The following CANX variants were observed in gnomAD, a reference collection of about 807,000 sequenced individuals.
CANX encodes the protein calnexin.
Under a neutral mutation model 75.7 loss-of-function variants are expected in CANX, and 14 were observed. The observed-to-expected ratio is 0.19, with a 90% CI of 0.12 to 0.29. The LOEUF is 0.29. Among genes scored for constraint, CANX ranks in the 10% least tolerant of loss-of-function variants. CANX has a pLI of 1.00. For synonymous variants in CANX, 227 were observed against 236.9 expected (o/e 0.96, Z 0.38); for missense variants, 567 against 713.2 (o/e 0.79, Z 2.34).
At chr5:179,683,669 G>A (rs754364291) in intron 1 of CANX, among the ~76,000 whole-genome samples, 23 of 151,904 alleles carry the variant, frequency 1.5e-4, no homozygotes, top group Non-Finnish European at 3.4e-4. Flanking sequence ...AAGTAGCTGG[G>A]ATTACAGGTG....
chr5:179,708,486 T>A, intron 5 of CANX, 106 bp downstream of exon 5: 1 of 1,020,460 alleles, frequency 9.8e-7, no homozygotes, highest in Non-Finnish European at 1.4e-6. Flanking sequence ...ATATAAGTGG[T>A]GGTAGGGATT....
At chr5:179,679,366 C>T (rs1000647566) in intron 1 of CANX, 54 of 1,027,796 alleles carry the variant, frequency 5.3e-5, no homozygotes, top group Non-Finnish European at 7.0e-5. Context: ...ACGGCTGCGG[C>T]TGTGTCTCAC....
At chr5:179,711,853 G>A (rs1054517572) in intron 7 of CANX, among the ~76,000 whole-genome samples, 8 of 148,624 alleles carry the variant, frequency 5.4e-5, no homozygotes, top group African/African-American at 1.7e-4. Flanking sequence ...ATCCCAGCAC[G>A]ATGGGAGGCT....
chr5:179,701,537 TC>T (rs1163224202), intron 1 of CANX, among the ~76,000 whole-genome samples: 1 of 150,914 alleles, frequency 6.6e-6, no homozygotes, highest in East Asian at 2.0e-4. Context: ...TCCATTGCAC[TC>T]CAGCCTGGGT....
At chr5:179,697,794 G>A (rs1186598040), upstream of CANX, among the ~76,000 whole-genome samples, 1 of 152,112 alleles carries the variant, frequency 6.6e-6, no homozygotes, top group African/African-American at 2.4e-5. Flanking sequence ...GGGAGGCTGA[G>A]GGAGAATCGC....
In CANX at chr5:179,730,831, T is replaced by A. The variant is rs1203652021; in HGVS notation, c.*2187T>A. 6.6e-6 allele frequency: 1 copy of A among 152,252 alleles called. No homozygotes were observed. Among genetic ancestry groups the A allele is most frequent in the African/African-American group, 2.4e-5 (1 of 41,478 alleles). The allele number at this position is 152,252 out of a possible 1,614,324, so 9.4% of individuals were successfully genotyped here. A position where few individuals can be genotyped will look rare whatever the true frequency, so the allele number is the denominator to read the frequency against. On this transcript the variant is annotated 3_prime_UTR_variant, in exon 15 of 15. Transcript: ENST00000247461. ...TGTCAAATGCCCACTCTCCATCAGA[T>A]GTGTTCCTCCATTTTCTTATCCACA...
intron 9 of CANX, among the ~76,000 whole-genome samples, 165 bp downstream of exon 9, chr5:179,719,946 C>A (rs915043843): frequency 6.6e-6 from 1 of 151,938 alleles, no homozygotes; most frequent in Non-Finnish European, 1.5e-5. Context: ...ATCAGCCTTG[C>A]GAGTAGCTGG....
chr5:179,721,912 TATACTA>T (rs1262995159), intron 10 of CANX, among the ~76,000 whole-genome samples: 2 of 152,176 alleles, frequency 1.3e-5, no homozygotes, highest in African/African-American at 2.4e-5. Flanking sequence ...TATATATACA[TATACTA>T]ATATATGTTT....
At chr5:179,701,861 T>TACAGGTG (rs1436069474) in intron 1 of CANX, among the ~76,000 whole-genome samples, 2 of 141,754 alleles carry the variant, frequency 1.4e-5, no homozygotes, top group Non-Finnish European at 3.0e-5. Context: ...TGCCTCAGCC[T>TACAGGTG]CCCAAGTAGC....
intron 1 of CANX, among the ~76,000 whole-genome samples, chr5:179,691,067 C>T (rs1776291841): frequency 6.6e-6 from 1 of 151,576 alleles, no homozygotes; most frequent in Non-Finnish European, 1.5e-5. Flanking sequence ...ACTCTGTTGC[C>T]CAGGCTGGAG....
At chr5:179,684,448 T>A (rs1481757049) in intron 1 of CANX, among the ~76,000 whole-genome samples, 1 of 149,992 alleles carries the variant, frequency 6.7e-6, no homozygotes, top group Non-Finnish European at 1.5e-5. Flanking sequence ...CACACCATTC[T>A]CCTTCCTTAG....
intron 11 of CANX, 140 bp downstream of exon 11, chr5:179,723,159 A>C: frequency 1.4e-6 from 1 of 700,598 alleles, no homozygotes; most frequent in Non-Finnish European, 2.4e-6. Context: ...AAGACACAAT[A>C]TTGGGTTTTG....
At chr5:179,716,362 G>A (rs577653744) in intron 8 of CANX, 68 bp downstream of exon 8, 7 of 1,170,696 alleles carry the variant, frequency 6.0e-6, no homozygotes, top group African/African-American at 4.6e-5. Context: ...CTTGAACAAC[G>A]AAATGTTGGT....
At chr5:179,679,376 C>G in intron 1 of CANX, 4 of 945,924 alleles carry the variant, frequency 4.2e-6, no homozygotes, top group Non-Finnish European at 6.1e-6. Flanking sequence ...CTGTGTCTCA[C>G]CAGCTGCTGG....
rs552762374 is a variant in CANX at position 179,680,902 on chromosome 5, T to C, written c.-4+2125T>C. On this transcript the variant is annotated intron_variant, in intron 1 of 14. Coordinates refer to the CANX transcript ENST00000681674. The stretch of plus-strand genomic sequence containing the variant: ...CCCAAGATCTGGTTCAGGGAGATGG[T>C]CTCTGGAAGCCCACATCCAGGCCCA... 6.5e-6 allele frequency: 10 copies of C among 1,536,846 alleles called. No individual in the cohort carries two copies. The African/African-American group carries it at 1.2e-4, about 19-fold the overall frequency.
Position 179,723,730 on chromosome 5 carries a change from C to G in CANX, c.1469C>G (p.Thr490Ser). 1 of 1,613,624 alleles carries G rather than the reference C, an allele frequency of 6.2e-7. No homozygotes were observed. Among genetic ancestry groups the G allele is most frequent in the South Asian group, 1.1e-5 (1 of 91,068 alleles). Reference protein sequence around the residue: ...RPWLWVVYILTVALPVFLVIL... With the variant: ...RPWLWVVYILSVALPVFLVIL... ...TGGCTGTGGGTAGTCTATATTCTAA[C>G]TGTAGCCCTTCCTGTGTTCCTGGTT... The change falls in exon 12 of 15, where the codon ACT becomes AGT. Residue 490 changes from threonine to serine, a missense_variant. Transcript: ENST00000247461.
chr5:179,678,775 C>G lies in CANX; in HGVS notation c.-6C>G, dbSNP rs112590870. 1,269 of 1,537,078 alleles carry G rather than the reference C, an allele frequency of 8.3e-4. 12 individuals carry two copies. In the African/African-American group the frequency reaches 0.016, roughly 19 times the overall value. On this transcript the variant is annotated splice_region_variant and 5_prime_UTR_variant, in exon 1 of 15. Coordinates refer to the CANX transcript ENST00000681674. ...CTATGAGCAGTTCCTGCTGCAGCTT[C>G]AGGTAGTTGTTCTCCTCCAGCAACA...
chr5:179,688,218 C>G (rs1776226405), intron 1 of CANX, among the ~76,000 whole-genome samples: 1 of 150,944 alleles, frequency 6.6e-6, no homozygotes, highest in Admixed American at 6.6e-5. Context: ...CCACCACACC[C>G]AGCTAATTTT....
Position 179,730,707 on chromosome 5 carries a change from T to C in CANX, c.*2063T>C, listed in dbSNP as rs182647727. ...TTATTTTGAAGGTCCAGCATCCTGA[T>C]TAAATGTCTGACACATTAATGAATG... On this transcript the variant is annotated 3_prime_UTR_variant, in exon 15 of 15. Transcript: ENST00000247461. 6.6e-6 allele frequency: 1 copy of C among 152,366 alleles called. No homozygotes were observed. The highest frequency in any genetic ancestry group is 2.4e-5 in the African/African-American group (1 of 41,584). 9.4% of individuals were successfully genotyped at this position (152,366 alleles called of 1,614,324 possible).
Sources: gnomAD v4.1 joint callset for allele counts (sites outside exome capture counted in the v4.1 genomes callset) on GRCh38, gnomAD v4.1.1 for gene constraint, MANE v1.5 for transcripts, NCBI Gene and HGNC (gene_info 2026-07-23, HGNC 2026-07-21) for gene names.